The following KLHL20 variants were observed in gnomAD, a reference collection of about 807,000 sequenced individuals.
The protein encoded by KLHL20 is kelch-like protein 20.
In KLHL20, 29 loss-of-function variants were observed where a neutral mutation model predicts 69.5. The ratio of observed to expected loss-of-function variants is 0.42; its 90% confidence interval spans 0.31 to 0.57. The LOEUF (loss-of-function observed/expected upper bound fraction) is 0.57. Ranked by LOEUF, KLHL20 falls within the 20% of genes least tolerant of loss-of-function variation. The pLI is 0.18. For synonymous variants in KLHL20, 253 were observed against 265.2 expected (o/e 0.95, Z 0.45); for missense variants, 419 against 776.0 (o/e 0.54, Z 5.47).
At chr1:173,780,651 C>T (rs1209393871) in intron 10 of KLHL20, among the ~76,000 whole-genome samples, 2 of 152,086 alleles carry the variant, frequency 1.3e-5, no homozygotes, top group Non-Finnish European at 2.9e-5. Context: ...GTGGTGCATC[C>T]CTGTAGTCCC....
intron 8 of KLHL20, among the ~76,000 whole-genome samples, chr1:173,770,552 C>T (rs569737391): frequency 6.6e-6 from 1 of 151,882 alleles, no homozygotes; most frequent in South Asian, 2.1e-4. Context: ...ACAAAATTAG[C>T]CGGATGTGGT....
At chr1:173,781,714 A>C (rs1558228008) in intron 10 of KLHL20, among the ~76,000 whole-genome samples, 1 of 152,126 alleles carries the variant, frequency 6.6e-6, no homozygotes, top group Non-Finnish European at 1.5e-5. Context: ...TGATGCTCCC[A>C]CCTGGGCCTT....
At chr1:173,766,053 A>G in intron 7 of KLHL20, 93 bp from the exon 8 acceptor site, 1 of 980,796 alleles carries the variant, frequency 1.0e-6, no homozygotes, top group African/African-American at 1.7e-5. Context: ...GGGAAATAAT[A>G]TATATCATAT....
chr1:173,718,405 T>C (rs928676340), intron 2 of KLHL20, among the ~76,000 whole-genome samples: 3 of 151,658 alleles, frequency 2.0e-5, no homozygotes, highest in Non-Finnish European at 4.4e-5. Flanking sequence ...TTTAGCCAAG[T>C]GTTGTGGCAG....
At chr1:173,732,943 T>G (rs1205286909) in intron 2 of KLHL20, among the ~76,000 whole-genome samples, 1 of 152,116 alleles carries the variant, frequency 6.6e-6, no homozygotes, top group East Asian at 1.9e-4. Flanking sequence ...ATCATTTAGC[T>G]TGCCATTTTC....
intron 3 of KLHL20, among the ~76,000 whole-genome samples, chr1:173,736,477 T>C (rs1672540514): frequency 1.3e-5 from 2 of 152,186 alleles, no homozygotes; most frequent in Non-Finnish European, 2.9e-5. Context: ...AAATGGTAGA[T>C]ATACTTTTGG....
In KLHL20 at chr1:173,719,111, A is replaced by AAAAAAAAAAAG. The variant is rs1161711428; in HGVS notation, c.23+3049_23+3050insAAAAAAGAAAA. ...AACAGCGGGACTCCGTCTCAAAAAA[A>AAAAAAAAAAAG]AAAAGAAAAATTATTTTGTAAATTG... is the stretch of plus-strand genomic sequence containing the variant. On this transcript the variant is annotated intron_variant, in intron 2 of 11. Coordinates refer to ENST00000209884, the MANE Select transcript of KLHL20 (RefSeq NM_014458.4). Among the ~76,000 whole-genome samples the AAAAAAAAAAAG allele has an allele frequency of 4.4e-4, 67 of 151,918 alleles. 1 individual carries two copies. The East Asian group carries it at 4.5e-3, about 10-fold the overall frequency.
At chr1:173,750,978 A>G (rs1187811557) in intron 3 of KLHL20, among the ~76,000 whole-genome samples, 3 of 152,196 alleles carry the variant, frequency 2.0e-5, no homozygotes, top group African/African-American at 4.8e-5. Flanking sequence ...GAATCCATCA[A>G]CTTCATTAGA....
rs1649148657 is a variant in KLHL20 at position 173,785,460 on chromosome 1, A to G, written c.*213A>G. 1 of 292,170 alleles carries G rather than the reference A, an allele frequency of 3.4e-6. No homozygotes were observed. The allele number at this position is 292,170 out of a possible 1,614,324, so 18.1% of individuals were successfully genotyped here. A position where few individuals can be genotyped will look rare whatever the true frequency, so the allele number is the denominator to read the frequency against. On this transcript the variant is annotated 3_prime_UTR_variant, in exon 12 of 12. Transcript: ENST00000209884. ...GAATATTTATTTTTGGTTTTAATTT[A>G]TCATGGTTTTTTGTTGTTTTCGTTT... is the stretch of plus-strand genomic sequence containing the variant.
At chr1:173,764,126 G>A (rs1484266118) in intron 7 of KLHL20, among the ~76,000 whole-genome samples, 2 of 152,176 alleles carry the variant, frequency 1.3e-5, no homozygotes, top group Non-Finnish European at 1.5e-5. Flanking sequence ...ATGAAAAAAT[G>A]CTCAACATCA....
chr1:173,734,500 C>T, intron 3 of KLHL20: 1 of 563,570 alleles, frequency 1.8e-6, no homozygotes, highest in Admixed American at 3.1e-5. Flanking sequence ...TTCTCCCTAA[C>T]TGTATTCATA....
chr1:173,765,020 C>T (rs757161792), intron 7 of KLHL20, among the ~76,000 whole-genome samples: 8 of 152,072 alleles, frequency 5.3e-5, no homozygotes, highest in Non-Finnish European at 1.2e-4. Flanking sequence ...GGCAAATTTA[C>T]ATGAATTTTA....
rs561939530 is a variant in KLHL20, at chr1:173,761,651, G to A, written c.1151+4492G>A. On this transcript the variant is annotated intron_variant, in intron 7 of 11. Coordinates refer to ENST00000209884, the MANE Select transcript of KLHL20 (RefSeq NM_014458.4). ...CCTGCATGAGCATTGGGTCAAAAAC[G>A]AAATCAAGATGGAAATTTAAAAATT... Among the ~76,000 whole-genome samples the A allele has an allele frequency of 1.5e-3, 222 of 152,242 alleles. 1 individual carries two copies. In the South Asian group the frequency reaches 0.021, roughly 15 times the overall value.
chr1:173,759,161 T>C (rs1225713302), intron 7 of KLHL20, among the ~76,000 whole-genome samples: 2 of 152,102 alleles, frequency 1.3e-5, no homozygotes, highest in African/African-American at 2.4e-5. Context: ...AGTCATAATC[T>C]TCCTAGGTAC....
intron 8 of KLHL20, among the ~76,000 whole-genome samples, chr1:173,771,442 A>C (rs1001614993): frequency 6.6e-6 from 1 of 152,170 alleles, no homozygotes. Context: ...TTAACTGTAG[A>C]ACTATGACTA....
At chr1:173,724,279 A>G (rs1475852182) in intron 2 of KLHL20, among the ~76,000 whole-genome samples, 1 of 151,782 alleles carries the variant, frequency 6.6e-6, no homozygotes, top group Non-Finnish European at 1.5e-5. Flanking sequence ...TACTGGGATT[A>G]CAGGCATGAG....
chr1:173,736,036 T>G (rs967410430), intron 3 of KLHL20, among the ~76,000 whole-genome samples: 12 of 146,522 alleles, frequency 8.2e-5, no homozygotes, highest in African/African-American at 3.0e-4. Flanking sequence ...AACTTCTGCC[T>G]CCTGGGTTCA....
intron 2 of KLHL20, among the ~76,000 whole-genome samples, chr1:173,724,803 G>A (rs573118925): frequency 1.3e-5 from 2 of 152,118 alleles, no homozygotes; most frequent in African/African-American, 2.4e-5. Context: ...AGACCCTGTC[G>A]CAAAGAAAAG....
intron 6 of KLHL20, among the ~76,000 whole-genome samples, chr1:173,756,562 G>T (rs1673558865): frequency 1.3e-5 from 2 of 152,102 alleles, no homozygotes; most frequent in Non-Finnish European, 2.9e-5. Context: ...TCGTGCAGTA[G>T]ATGTTTTGTT....
Sources: gnomAD v4.1 joint callset for allele counts (sites outside exome capture counted in the v4.1 genomes callset) on GRCh38, gnomAD v4.1.1 for gene constraint, MANE v1.5 for transcripts, NCBI Gene and HGNC (gene_info 2026-07-23, HGNC 2026-07-21) for gene names.